SCYL1: variants seen among roughly 807,000 people sequenced by gnomAD.
SCYL1 encodes the protein SCY1 like pseudokinase 1, also known as N-terminal kinase-like protein.
Under a neutral mutation model 94.8 loss-of-function variants are expected in SCYL1, and 85 were observed. The ratio of observed to expected loss-of-function variants is 0.90; its 90% CI spans 0.75 to 1.07. The LOEUF is 1.07. SCYL1 is among the 50% of genes least tolerant of loss of function. The probability of loss-of-function intolerance (pLI) is 0.00; values close to 1 mark genes in which losing one functional copy is unlikely to be tolerated. For missense variants in SCYL1, 968 were observed against 1,083.3 expected, an observed-to-expected ratio of 0.89 and a Z score of 1.49; for synonymous variants, 459 against 435.5, an observed-to-expected ratio of 1.05 and a Z score of -0.67.
At chr11:65,525,450 G>A (rs1021959417) in intron 1 of SCYL1, 124 bp from the exon 2 acceptor site, 2 of 1,256,640 alleles carry the variant, frequency 1.6e-6, no homozygotes, top group East Asian at 2.7e-5. Context: ...GGACAGGGCC[G>A]GGGTCACGTG....
intron 8 of SCYL1, 72 bp downstream of exon 8, chr11:65,531,755 C>A: frequency 8.8e-7 from 1 of 1,140,098 alleles, no homozygotes; most frequent in Non-Finnish European, 1.3e-6. Flanking sequence ...GGCACCTGCC[C>A]TGGCTGCACA....
intron 8 of SCYL1, 68 bp from the exon 9 acceptor site, chr11:65,532,624 G>C (rs762386546): frequency 3.9e-6 from 5 of 1,267,450 alleles, no homozygotes; most frequent in Non-Finnish European, 5.7e-6. Flanking sequence ...AGCCAGGAGC[G>C]GTTCCATGGC....
intron 14 of SCYL1, among the ~76,000 whole-genome samples, chr11:65,537,519 C>T (rs1855737683): frequency 6.6e-6 from 1 of 152,124 alleles, no homozygotes; most frequent in Admixed American, 6.5e-5. Flanking sequence ...TGGGGCTGTC[C>T]TCAGAATGGG....
intron 10 of SCYL1, chr11:65,535,587 C>T: frequency 2.9e-6 from 2 of 690,466 alleles, no homozygotes; most frequent in South Asian, 2.0e-5. Context: ...TGAATCCAGG[C>T]GTGCTTGGCC....
At position 65,536,955 on chromosome 11, in the gene SCYL1, C is replaced by T. The variant is rs750726954; in HGVS notation, c.1817-31C>T. On this transcript the variant is annotated intron_variant, in intron 13 of 17. Transcript: ENST00000270176. ...AGCCTCTGCCCTGTCCCAAGACCCC[C>T]CTGAAAGCTCAGTGAGCCTCTGCTC... 4.4e-6 allele frequency: 7 copies of T among 1,589,310 alleles called. No individual in the cohort carries two copies. In the African/African-American group the frequency reaches 6.7e-5, roughly 15 times the overall value.
intron 6 of SCYL1, among the ~76,000 whole-genome samples, chr11:65,529,637 C>T (rs901269907): frequency 3.3e-5 from 5 of 152,234 alleles, no homozygotes; most frequent in Admixed American, 6.5e-5. Context: ...CCGGCCAAGC[C>T]GCGGCTATGG....
chr11:65,536,555 A>G, intron 12 of SCYL1, 31 bp from the exon 13 acceptor site: 1 of 1,612,750 alleles, frequency 6.2e-7, no homozygotes, highest in South Asian at 1.1e-5. Flanking sequence ...TGACGTGCCC[A>G]TACCCACCTC....
rs996817695 is a variant in SCYL1, at chr11:65,526,529, A to T, written c.602+179A>T. The stretch of plus-strand genomic sequence containing the variant: ...AGGGTCCTCAGGGCGGTAGGGCGGG[A>T]TGGACACAGCATTCGGGGTTGGGTG... On this transcript the variant is annotated intron_variant, in intron 4 of 17. Coordinates refer to ENST00000270176, the MANE Select transcript of SCYL1 (RefSeq NM_020680.4). The surrounding 1 kb of genome is among the most constrained non-coding windows in gnomAD (Gnocchi z 4.1). Among the ~76,000 whole-genome samples, 3 of 152,126 alleles carry T rather than the reference A, an allele frequency of 2.0e-5. No homozygotes were observed. In the East Asian group the frequency reaches 5.8e-4, roughly 29 times the overall value.
intron 14 of SCYL1, among the ~76,000 whole-genome samples, chr11:65,537,396 C>T (rs975043939): frequency 6.6e-6 from 1 of 152,186 alleles, no homozygotes; most frequent in African/African-American, 2.4e-5. Context: ...TCCCCCTTTC[C>T]CCTCCTCCAG....
intron 9 of SCYL1, chr11:65,533,403 C>T (rs1855484796): frequency 6.5e-6 from 1 of 153,326 alleles, no homozygotes; most frequent in African/African-American, 2.4e-5. Context: ...GCATGGGCAA[C>T]AAGAGGGAAA....
At chr11:65,535,818 C>T in intron 10 of SCYL1, 135 bp from the exon 11 acceptor site, 1 of 869,852 alleles carries the variant, frequency 1.1e-6, no homozygotes, top group Non-Finnish European at 1.8e-6. Flanking sequence ...CAACTCTCCC[C>T]ATTTAAGTGA....
At chr11:65,536,225 CCA>C (rs752782855) in intron 11 of SCYL1, 32 bp from the exon 12 acceptor site, 21 of 1,609,224 alleles carry the variant, frequency 1.3e-5, no homozygotes, top group Non-Finnish European at 1.8e-5. Flanking sequence ...CTTGGGAACC[CCA>C]GAGACCCCAG....
At chr11:65,533,414 C>T (rs1367294270) in intron 9 of SCYL1, among the ~76,000 whole-genome samples, 1 of 152,068 alleles carries the variant, frequency 6.6e-6, no homozygotes, top group Non-Finnish European at 1.5e-5. Flanking sequence ...AAGAGGGAAA[C>T]TCTGTTTCAA....
Position 65,526,776 on chromosome 11 carries a change from G to T in SCYL1, c.603-7G>T. On this transcript the variant is annotated splice_polypyrimidine_tract_variant and splice_region_variant and intron_variant, in intron 4 of 17. Transcript: ENST00000270176. The surrounding 1 kb of genome is among the most constrained non-coding windows in gnomAD (Gnocchi z 4.1). ...GGGGCCCTAAGAGCTCTGGGTCACT[G>T]CCACAGGTCAGCAGACATGTGGCGC... 6.2e-7 allele frequency: 1 copy of T among 1,610,754 alleles called. No individual in the cohort carries two copies.
chr11:65,531,535 C>G, intron 7 of SCYL1, 41 bp from the exon 8 acceptor site: 1 of 1,475,920 alleles, frequency 6.8e-7, no homozygotes, highest in African/African-American at 1.4e-5. Flanking sequence ...AAAGTCAGCC[C>G]ATTCCTGTGA....
chr11:65,525,483 G>A, intron 1 of SCYL1, 91 bp from the exon 2 acceptor site: 3 of 1,503,660 alleles, frequency 2.0e-6, no homozygotes, highest in Non-Finnish European at 1.8e-6. Flanking sequence ...TGTCCCTAAG[G>A]CTGACCTGGG....
In SCYL1 at chr11:65,538,592, G is replaced by A; in HGVS notation, c.*26G>A. ...ACCGTGGCGGTGGCCCTTCCCGGCTGCGGAGAGCCCGCCCCACAGATGTAT... is the reference window on the plus strand; with the variant it reads ...ACCGTGGCGGTGGCCCTTCCCGGCTACGGAGAGCCCGCCCCACAGATGTAT... On this transcript the variant is annotated 3_prime_UTR_variant, in exon 18 of 18. Transcript: ENST00000270176. 3.1e-6 allele frequency: 5 copies of A among 1,602,828 alleles called. No homozygotes were observed. Among genetic ancestry groups the A allele is most frequent in the Non-Finnish European group, 4.3e-6 (5 of 1,174,970 alleles).
In SCYL1 at chr11:65,536,571, C is replaced by T. The variant is rs1209235754; in HGVS notation, c.1652-15C>T. On this transcript the variant is annotated splice_polypyrimidine_tract_variant and intron_variant, in intron 12 of 17. Coordinates refer to ENST00000270176, the MANE Select transcript of SCYL1 (RefSeq NM_020680.4). ...GACGTGCCCATACCCACCTCTCTCTCATGCCACTGCCCAGAGAAGGATGTC... is the reference window on the plus strand; with the variant it reads ...GACGTGCCCATACCCACCTCTCTCTTATGCCACTGCCCAGAGAAGGATGTC... 1 of 1,613,732 alleles carries T rather than the reference C, an allele frequency of 6.2e-7. No homozygotes were observed. Among genetic ancestry groups the T allele is most frequent in the Non-Finnish European group, 8.5e-7 (1 of 1,179,852 alleles).
In SCYL1 at chr11:65,525,270, T is replaced by G; in HGVS notation, c.111+6T>G. On this transcript the variant is annotated splice_donor_region_variant and intron_variant, in intron 1 of 17. Coordinates refer to ENST00000270176, the MANE Select transcript of SCYL1 (RefSeq NM_020680.4). ...TGCACCGCGGCCGCAAGAAGGTGAG[T>G]GCGGCCGAGCTCCGTAGGCCGCGGT... The G allele has an allele frequency of 7.0e-7, 1 of 1,423,804 alleles. No individual in the cohort carries two copies. Among genetic ancestry groups the G allele is most frequent in the Non-Finnish European group, 9.2e-7 (1 of 1,085,018 alleles). 88.2% of individuals were successfully genotyped at this position (1,423,804 alleles called of 1,614,324 possible). A position where few individuals can be genotyped will look rare whatever the true frequency, so the allele number is the denominator to read the frequency against.
Sources: gnomAD v4.1 joint callset for allele counts (sites outside exome capture counted in the v4.1 genomes callset) on GRCh38, gnomAD v4.1.1 for gene constraint, Gnocchi (gnomAD v3.1) non-coding constraint, MANE v1.5 for transcripts, NCBI Gene and HGNC (gene_info 2026-07-23, HGNC 2026-07-21) for gene names.